Variants in SOX5 observed in about 807,000 individuals in gnomAD.
SOX5 encodes the protein transcription factor SOX-5.
In SOX5, 9 loss-of-function variants were observed where a neutral mutation model predicts 92.0. That is an observed-to-expected ratio of 0.10 (90% CI 0.06 to 0.17). The LOEUF is 0.17. Among genes scored for constraint, SOX5 ranks in the 10% least tolerant of loss-of-function variants. The pLI is 1.00. For missense variants in SOX5, 642 were observed against 944.5 expected (o/e 0.68, Z 4.20); for synonymous variants, 344 against 336.3 (o/e 1.02, Z -0.25).
intron 7 of SOX5, among the ~76,000 whole-genome samples, chr12:23,650,643 G>A (rs1310456140): frequency 6.6e-6 from 1 of 152,094 alleles, no homozygotes; most frequent in South Asian, 2.1e-4. Flanking sequence ...GCCATTTATA[G>A]GGCTAATAAG....
intron 1 of SOX5, among the ~76,000 whole-genome samples, chr12:24,389,073 A>G (rs1958710773): frequency 6.6e-6 from 1 of 152,058 alleles, no homozygotes. Context: ...GTCATTTAGC[A>G]TTAGGTATAT....
intron 1 of SOX5, among the ~76,000 whole-genome samples, chr12:24,376,732 A>T (rs1957318244): frequency 5.9e-5 from 2 of 33,680 alleles, no homozygotes; most frequent in Non-Finnish European, 1.1e-4. Flanking sequence ...TTTTTTTTAC[A>T]GAGTCTCACT....
chr12:24,361,323 C>T (rs993852104), intron 2 of SOX5, among the ~76,000 whole-genome samples: 6 of 152,102 alleles, frequency 3.9e-5, no homozygotes, highest in African/African-American at 9.7e-5. Context: ...AATGTATGCT[C>T]GAGCCCTGAG....
chr12:24,205,316 AG>A (rs1042818261), intron 4 of SOX5, among the ~76,000 whole-genome samples: 4 of 152,224 alleles, frequency 2.6e-5, no homozygotes, highest in Non-Finnish European at 4.4e-5. Flanking sequence ...TTTTGTTAAT[AG>A]CTCATTCAAA....
At chr12:24,006,181 G>A (rs78406069) in intron 4 of SOX5, among the ~76,000 whole-genome samples, 24,481 of 152,090 alleles carry the variant, frequency 0.16, 2,219 homozygotes, top group Non-Finnish European at 0.21. Context: ...TGCACATAAA[G>A]AAGGTCCTCA....
chr12:23,907,036 A>G (rs1272554787), intron 1 of SOX5, among the ~76,000 whole-genome samples: 3 of 152,148 alleles, frequency 2.0e-5, no homozygotes, highest in South Asian at 2.1e-4. Flanking sequence ...TGCTACAGGG[A>G]CAATCTTTTC....
chr12:24,000,951 C>A (rs1951542084), intron 4 of SOX5, among the ~76,000 whole-genome samples: 1 of 152,094 alleles, frequency 6.6e-6, no homozygotes, highest in South Asian at 2.1e-4. Context: ...TAACTAAAAT[C>A]TATAGAATGC....
At chr12:24,126,719 G>A (rs568194891) in intron 4 of SOX5, among the ~76,000 whole-genome samples, 101 of 152,074 alleles carry the variant, frequency 6.6e-4, no homozygotes, top group Non-Finnish European at 1.2e-3. Flanking sequence ...AAATGTTTAC[G>A]GGATGCTTCA....
intron 1 of SOX5, among the ~76,000 whole-genome samples, chr12:24,472,703 AC>A (rs2137658394): frequency 6.6e-6 from 1 of 152,302 alleles, no homozygotes; most frequent in East Asian, 1.9e-4. Context: ...ATTCCTGAGG[AC>A]ACTCAGAGAA....
intron 2 of SOX5, among the ~76,000 whole-genome samples, chr12:24,291,156 T>C (rs933779494): frequency 2.6e-5 from 4 of 152,176 alleles, no homozygotes; most frequent in African/African-American, 7.2e-5. Context: ...TAAAATAATA[T>C]GTGAATATAG....
rs568958861 is a variant in SOX5 at position 23,920,041 on chromosome 12, A to G, written c.39-24017T>C. 7.2e-5 allele frequency: 11 copies of G among 152,232 alleles called. No individual in the cohort carries two copies. In the South Asian group the frequency reaches 1.7e-3, roughly 23 times the overall value. The allele number at this position is 152,232 out of a possible 1,614,324, so 9.4% of individuals were successfully genotyped here. A position where few individuals can be genotyped will look rare whatever the true frequency, so the allele number is the denominator to read the frequency against. ...CTGTTATATATCTCATCTATCTTCC[A>G]CAGTCCTATTGCCAAACATCGGCAT... On this transcript the variant is annotated intron_variant, in intron 1 of 14. Coordinates refer to ENST00000451604, the MANE Select transcript of SOX5 (RefSeq NM_006940.6).
intron 1 of SOX5, among the ~76,000 whole-genome samples, chr12:23,938,135 T>C (rs1942969335): frequency 6.6e-6 from 1 of 151,062 alleles, no homozygotes; most frequent in African/African-American, 2.4e-5. Context: ...AGATGTATAA[T>C]TAAGGCAAAA....
intron 2 of SOX5, among the ~76,000 whole-genome samples, chr12:23,889,987 C>T (rs1446295007): frequency 6.6e-6 from 1 of 151,984 alleles, no homozygotes; most frequent in African/African-American, 2.4e-5. Flanking sequence ...TAATAAAATT[C>T]AGCTGTCTGT....
chr12:24,208,166 G>A (rs975745526), intron 4 of SOX5, among the ~76,000 whole-genome samples: 4 of 152,032 alleles, frequency 2.6e-5, no homozygotes, highest in Non-Finnish European at 5.9e-5. Flanking sequence ...TGACTTTCCT[G>A]AACTCTTACT....
At chr12:24,140,107 A>G (rs577322046) in intron 4 of SOX5, among the ~76,000 whole-genome samples, 7 of 152,346 alleles carry the variant, frequency 4.6e-5, no homozygotes, top group Middle Eastern at 3.4e-3. Flanking sequence ...TACCTATACC[A>G]TATTTCACAC....
intron 4 of SOX5, among the ~76,000 whole-genome samples, chr12:24,098,709 G>T (rs1945723511): frequency 6.6e-6 from 1 of 152,064 alleles, no homozygotes; most frequent in Non-Finnish European, 1.5e-5. Flanking sequence ...AACACTCTCA[G>T]CTTCTCCAGA....
At chr12:24,171,533 C>T in intron 4 of SOX5, among the ~76,000 whole-genome samples, 1 of 152,066 alleles carries the variant, frequency 6.6e-6, no homozygotes, top group East Asian at 1.9e-4. Flanking sequence ...AGCCAACAGA[C>T]AGTTTTTAAA....
At chr12:24,026,403 G>A (rs908617391) in intron 4 of SOX5, among the ~76,000 whole-genome samples, 2 of 151,900 alleles carry the variant, frequency 1.3e-5, no homozygotes, top group African/African-American at 4.8e-5. Context: ...CTGGTACTGT[G>A]GATAGAACTG....
At chr12:23,968,411 A>G (rs1947835239) in intron 4 of SOX5, among the ~76,000 whole-genome samples, 1 of 152,192 alleles carries the variant, frequency 6.6e-6, no homozygotes, top group Admixed American at 6.5e-5. Context: ...TTGATCTCCA[A>G]TGTGATGGTC....
Sources: gnomAD v4.1 joint callset for allele counts (sites outside exome capture counted in the v4.1 genomes callset) on GRCh38, gnomAD v4.1.1 for gene constraint, MANE v1.5 for transcripts, NCBI Gene and HGNC (gene_info 2026-07-23, HGNC 2026-07-21) for gene names.